Variants in DNAJC13 observed in about 807,000 individuals in gnomAD.
DNAJC13 encodes the protein dnaJ homolog subfamily C member 13.
A neutral mutation model predicts 290.5 loss-of-function variants in DNAJC13; 75 were observed. The observed-to-expected ratio is 0.26, with a 90% CI of 0.21 to 0.31. The LOEUF (loss-of-function observed/expected upper bound fraction) is 0.31, where lower values mean the gene tolerates loss of function less well. Ranked by LOEUF, DNAJC13 falls within the 10% of genes least tolerant of loss-of-function variation. DNAJC13 has a pLI of 1.00. For synonymous variants in DNAJC13, 862 were observed against 892.0 expected, an observed-to-expected ratio of 0.97 and a Z score of 0.60; for missense variants, 2,260 against 2,674.5, an observed-to-expected ratio of 0.85 and a Z score of 3.42.
intron 29 of DNAJC13, among the ~76,000 whole-genome samples, chr3:132,486,173 T>C (rs1934869543): frequency 7.0e-6 from 1 of 143,456 alleles, no homozygotes; most frequent in Admixed American, 7.3e-5. Flanking sequence ...TTTGTGGACA[T>C]TTCCATTCGT....
chr3:132,470,928 C>G (rs1934213311), intron 20 of DNAJC13, among the ~76,000 whole-genome samples: 1 of 128,188 alleles, frequency 7.8e-6, no homozygotes, highest in Non-Finnish European at 1.7e-5. Context: ...GGGCGGCTGG[C>G]CGGGCAGAGG....
At chr3:132,492,703 G>A in intron 33 of DNAJC13, 88 bp downstream of exon 33, 13 of 1,107,082 alleles carry the variant, frequency 1.2e-5, no homozygotes, top group Non-Finnish European at 1.2e-5. Context: ...GCAGTAAGAT[G>A]GTTAATAGCT....
chr3:132,529,919 G>A (rs182823933), intron 54 of DNAJC13, among the ~76,000 whole-genome samples: 1 of 152,244 alleles, frequency 6.6e-6, no homozygotes. Flanking sequence ...TTGCCTATGA[G>A]TGTTCTAAAT....
At chr3:132,470,193 CG>C (rs1012774214) in intron 20 of DNAJC13, among the ~76,000 whole-genome samples, 2 of 69,442 alleles carry the variant, frequency 2.9e-5, no homozygotes, top group Admixed American at 1.6e-4. Flanking sequence ...TGACTCTTAA[CG>C]AGCATGCTGT....
At chr3:132,506,095 C>T (rs1935579279) in intron 42 of DNAJC13, among the ~76,000 whole-genome samples, 2 of 89,052 alleles carry the variant, frequency 2.2e-5, no homozygotes, top group South Asian at 9.0e-4. Context: ...CTTGTTGGCT[C>T]AGGCTGGAGT....
intron 28 of DNAJC13, 183 bp from the exon 29 acceptor site, chr3:132,484,405 A>G (rs1416378605): frequency 4.8e-6 from 3 of 622,102 alleles, no homozygotes; most frequent in Non-Finnish European, 8.7e-6. Context: ...AAATGAAGTC[A>G]TATTAAGCAG....
intron 27 of DNAJC13, 93 bp downstream of exon 27, chr3:132,482,423 G>A (rs1204502520): frequency 2.1e-6 from 2 of 955,984 alleles, no homozygotes; most frequent in East Asian, 2.7e-5. Context: ...TTTTAAAGCT[G>A]TCATTTAAAT....
intron 43 of DNAJC13, among the ~76,000 whole-genome samples, chr3:132,509,091 G>A (rs10935013): frequency 0.097 from 14,732 of 152,276 alleles, 845 homozygotes; most frequent in South Asian, 0.14. Flanking sequence ...TCAAACAGCT[G>A]TAGCTGCCAT....
chr3:132,512,257 G>A (rs1296288468), intron 44 of DNAJC13, among the ~76,000 whole-genome samples: 1 of 152,148 alleles, frequency 6.6e-6, no homozygotes, highest in Non-Finnish European at 1.5e-5. Flanking sequence ...TCGTAATTTA[G>A]AAGTATGGTT....
At chr3:132,467,755 G>A (rs958450514) in intron 20 of DNAJC13, among the ~76,000 whole-genome samples, 2 of 152,092 alleles carry the variant, frequency 1.3e-5, no homozygotes, top group African/African-American at 2.4e-5. Flanking sequence ...GTGAGCCACC[G>A]CACCCGGCCG....
At chr3:132,500,117 C>A (rs545954679) in intron 38 of DNAJC13, among the ~76,000 whole-genome samples, 1 of 152,298 alleles carries the variant, frequency 6.6e-6, no homozygotes, top group South Asian at 2.1e-4. Flanking sequence ...TTTCCATTAC[C>A]CAGCTTAATG....
In DNAJC13 at chr3:132,471,534, C is replaced by T. The variant is rs1283975201; in HGVS notation, c.2209-1611C>T. On this transcript the variant is annotated intron_variant, in intron 20 of 55. Transcript: ENST00000260818. The stretch of plus-strand genomic sequence containing the variant: ...GGGTCTCCTCACTTCTCAGACGGGG[C>T]GGCCGGGCAGAGACGCTCCTCACCT... Among the ~76,000 whole-genome samples, 33 of 137,354 alleles carry T rather than the reference C, an allele frequency of 2.4e-4. 1 individual carries two copies. The highest frequency in any genetic ancestry group is 7.7e-4 in the African/African-American group (28 of 36,400). The allele number at this position is 137,354 out of a possible 152,430, so 90.1% of individuals were successfully genotyped here. A position where few individuals can be genotyped will look rare whatever the true frequency, so the allele number is the denominator to read the frequency against.
chr3:132,471,590 C>A (rs1329196037), intron 20 of DNAJC13, among the ~76,000 whole-genome samples: 2 of 139,448 alleles, frequency 1.4e-5, no homozygotes, highest in Non-Finnish European at 3.1e-5. Context: ...GGCAGAGGCA[C>A]TCCTCACATC....
intron 26 of DNAJC13, among the ~76,000 whole-genome samples, chr3:132,481,150 A>G (rs1283570135): frequency 6.6e-6 from 1 of 152,198 alleles, no homozygotes; most frequent in Non-Finnish European, 1.5e-5. Flanking sequence ...GTCACCTGAT[A>G]AGTGGCAGAG....
intron 41 of DNAJC13, among the ~76,000 whole-genome samples, chr3:132,503,586 T>C (rs1935491413): frequency 6.6e-6 from 1 of 152,254 alleles, no homozygotes. Flanking sequence ...GCAAATTAAC[T>C]TTGTTTCTCA....
At chr3:132,527,431 G>C (rs757208971) in intron 53 of DNAJC13, among the ~76,000 whole-genome samples, 9 of 152,168 alleles carry the variant, frequency 5.9e-5, no homozygotes, top group Non-Finnish European at 1.0e-4. Flanking sequence ...GAGCTGTTGG[G>C]TACATCTCAA....
At chr3:132,535,551 A>G (rs1010676429) in intron 55 of DNAJC13, among the ~76,000 whole-genome samples, 1 of 152,208 alleles carries the variant, frequency 6.6e-6, no homozygotes, top group Admixed American at 6.5e-5. Flanking sequence ...GAAAATCCTC[A>G]AATTACCTAA....
Position 132,457,336 on chromosome 3 carries a change from G to T in DNAJC13, c.1417G>T (p.Ala473Ser). 1 of 1,613,612 alleles carries T rather than the reference G, an allele frequency of 6.2e-7. No homozygotes were observed. The highest frequency in any genetic ancestry group is 1.1e-5 in the South Asian group (1 of 91,050). ...AAGAAGCAACAACGGAATAATCCAT[G>T]CAGCAGTTGATATGCTTTGTGCCCT... ...LKRSNNGIIHAAVDMLCALMC... is the reference protein window; with the variant it reads ...LKRSNNGIIHSAVDMLCALMC... The change falls in exon 13 of 56, where the codon GCA (alanine) becomes TCA (serine). Residue 473 changes from alanine to serine, a missense_variant. By Grantham distance (99) the Ala-to-Ser change is moderately conservative. Transcript: ENST00000260818.
intron 42 of DNAJC13, 53 bp from the exon 43 acceptor site, chr3:132,507,184 C>T: frequency 8.5e-7 from 1 of 1,173,796 alleles, no homozygotes; most frequent in Non-Finnish European, 1.3e-6. Flanking sequence ...AGTTATTAAA[C>T]TGAACATGGA....
Sources: allele counts gnomAD v4.1 joint callset (sites outside exome capture counted in the v4.1 genomes callset), GRCh38; gene constraint gnomAD v4.1.1; transcripts MANE v1.5; gene names NCBI Gene and HGNC (gene_info 2026-07-23, HGNC 2026-07-21).